RNF157: variants seen among roughly 807,000 people sequenced by gnomAD.
RNF157 encodes the protein ring finger protein 157.
In RNF157, 55 loss-of-function variants were observed where a neutral mutation model predicts 88.3. That is an observed-to-expected ratio of 0.62 (90% CI 0.50 to 0.78). The LOEUF is 0.78. Ranked by LOEUF, RNF157 falls within the 30% of genes least tolerant of loss-of-function variation. The probability of loss-of-function intolerance (pLI) is 0.00; values close to 1 mark genes in which losing one functional copy is unlikely to be tolerated. For synonymous variants in RNF157, 334 were observed against 341.2 expected, an observed-to-expected ratio of 0.98 and a Z score of 0.23; for missense variants, 788 against 860.8, an observed-to-expected ratio of 0.92 and a Z score of 1.06.
In RNF157 at chr17:76,166,476, C is replaced by G. The variant is rs761609315; in HGVS notation, c.613G>C (p.Val205Leu). The G allele has an allele frequency of 6.2e-7, 1 of 1,614,044 alleles. No individual in the cohort carries two copies. The highest frequency in any genetic ancestry group is 8.5e-7 in the Non-Finnish European group (1 of 1,179,956). The change falls in exon 6 of 19, where the codon GTG becomes CTG. Residue 205 changes from valine (V) to leucine (L), a missense_variant. Physicochemically the swap from Val to Leu is conservative, Grantham distance 32. Transcript: ENST00000269391. ...EVYPLVVHAV[V>L]DEGDEYFGHC... ...TCGCCCCTACCGTCTCCTTCATCCA[C>G]CACGGCATGTACCACTAGAGGGTAA...
intron 1 of RNF157, among the ~76,000 whole-genome samples, chr17:76,239,777 C>T (rs986305138): frequency 1.3e-5 from 2 of 152,146 alleles, no homozygotes; most frequent in Non-Finnish European, 2.9e-5. Context: ...GGCTTTGGGC[C>T]GGGCCGGCCG....
chr17:76,142,573 C>G lies in RNF157; in HGVS notation c.*2662G>C, dbSNP rs1233308696. 3 of 152,208 alleles carry G rather than the reference C, an allele frequency of 2.0e-5. No individual in the cohort carries two copies. Among genetic ancestry groups the G allele is most frequent in the Non-Finnish European group, 4.4e-5 (3 of 68,048 alleles). 9.4% of individuals were successfully genotyped at this position (152,208 alleles called of 1,614,324 possible). On this transcript the variant is annotated 3_prime_UTR_variant, in exon 19 of 19. Transcript: ENST00000269391. ...ACTGTAGTGTGACCACAAGTGTACT[C>G]CAGGGAGAGGGGTACACAGATGGCA...
intron 2 of RNF157, among the ~76,000 whole-genome samples, chr17:76,210,414 C>A (rs1252115455): frequency 6.6e-6 from 1 of 151,330 alleles, no homozygotes; most frequent in Non-Finnish European, 1.5e-5. Context: ...CACAGTGAAA[C>A]CCCGTCTCTA....
In RNF157 at chr17:76,165,490, A is replaced by G. The variant is rs372393474; in HGVS notation, c.672+12T>C. On this transcript the variant is annotated intron_variant, in intron 7 of 18. Coordinates refer to ENST00000269391, the MANE Select transcript of RNF157 (RefSeq NM_052916.3). ...TAAAGGCAATAAAGCGAGGCCCTCTAAAGTCACTCACCTTCTCAAAAGTAC... is the reference window on the plus strand; with the variant it reads ...TAAAGGCAATAAAGCGAGGCCCTCTGAAGTCACTCACCTTCTCAAAAGTAC... The G allele has an allele frequency of 3.7e-6, 6 of 1,613,884 alleles. No homozygotes were observed. In the East Asian group the frequency reaches 6.7e-5, roughly 18 times the overall value.
Position 76,159,317 on chromosome 17 carries a change from G to A in RNF157, c.1304+18C>T, listed in dbSNP as rs376962117. On this transcript the variant is annotated intron_variant, in intron 12 of 18. Coordinates refer to ENST00000269391, the MANE Select transcript of RNF157 (RefSeq NM_052916.3). ...TCAAGGATTCCGGGGGCAACAGTGT[G>A]GAGCACTGGCTACTCACTTGGAGAG... The A allele has an allele frequency of 6.3e-7, 1 of 1,594,674 alleles. No individual in the cohort carries two copies. Among genetic ancestry groups the A allele is most frequent in the Non-Finnish European group, 8.6e-7 (1 of 1,162,820 alleles).
chr17:76,147,031 C>T (rs908742093), intron 18 of RNF157: 3 of 985,254 alleles, frequency 3.0e-6, no homozygotes, highest in African/African-American at 3.5e-5. Context: ...ACAGTGAGAA[C>T]AGGAGAGTCT....
intron 16 of RNF157, 101 bp downstream of exon 16, chr17:76,155,151 C>G: frequency 2.0e-6 from 2 of 994,484 alleles, no homozygotes; most frequent in South Asian, 2.7e-5. Flanking sequence ...AAGGCTTCGT[C>G]AGCGCAGCCT....
At chr17:76,162,673 C>T (rs375479163) in intron 8 of RNF157, 50 bp from the exon 9 acceptor site, 2 of 1,371,034 alleles carry the variant, frequency 1.5e-6, no homozygotes, top group Non-Finnish European at 2.0e-6. Flanking sequence ...TACTGAGAGA[C>T]AAGAGTGGGA....
intron 2 of RNF157, among the ~76,000 whole-genome samples, chr17:76,204,398 C>CT (rs1164899902): frequency 1.3e-5 from 2 of 152,180 alleles, no homozygotes; most frequent in East Asian, 3.9e-4. Context: ...CTCGTAGAAC[C>CT]TATCACAGTC....
chr17:76,164,867 C>G lies in RNF157; in HGVS notation c.673-72G>C. Reference sequence around the variant, plus strand: ...AGCACCAGGTATTCTTCTGTTACATCTCCCAGTTACAGTCGCCCTCCCTGA... The same window carrying G: ...AGCACCAGGTATTCTTCTGTTACATGTCCCAGTTACAGTCGCCCTCCCTGA... On this transcript the variant is annotated intron_variant, in intron 7 of 18. Coordinates refer to ENST00000269391, the MANE Select transcript of RNF157 (RefSeq NM_052916.3). 3 of 1,120,610 alleles carry G rather than the reference C, an allele frequency of 2.7e-6. No homozygotes were observed. The South Asian group carries it at 4.0e-5, about 15-fold the overall frequency. 69.4% of individuals were successfully genotyped at this position (1,120,610 alleles called of 1,614,324 possible).
Position 76,240,392 on chromosome 17 carries a change from C to T in RNF157, c.-152G>A, listed in dbSNP as rs925115562. 3.7e-4 allele frequency: 63 copies of T among 170,914 alleles called. No individual in the cohort carries two copies. The highest frequency in any genetic ancestry group is 6.1e-4 in the Admixed American group (9 of 14,756). The allele number at this position is 170,914 out of a possible 1,614,324, so 10.6% of individuals were successfully genotyped here. Reference sequence around the variant, plus strand: ...CTGCGGCTCTGGCGGCGGGGAGCCCCCGGCGCGCCGCGCACCATCCTCCGC... The same window carrying T: ...CTGCGGCTCTGGCGGCGGGGAGCCCTCGGCGCGCCGCGCACCATCCTCCGC... On this transcript the variant is annotated 5_prime_UTR_variant, in exon 1 of 19. Coordinates refer to ENST00000269391, the MANE Select transcript of RNF157 (RefSeq NM_052916.3). The surrounding 1 kb of genome is among the most constrained non-coding windows in gnomAD (Gnocchi z 4.4).
intron 2 of RNF157, among the ~76,000 whole-genome samples, chr17:76,200,053 T>C (rs1457642223): frequency 2.6e-5 from 4 of 151,376 alleles, no homozygotes; most frequent in South Asian, 2.1e-4. Flanking sequence ...CTGGCTAACA[T>C]AGTGAAACCC....
chr17:76,185,200 T>C (rs1240065750), intron 2 of RNF157, among the ~76,000 whole-genome samples: 1 of 152,178 alleles, frequency 6.6e-6, no homozygotes, highest in Non-Finnish European at 1.5e-5. Flanking sequence ...ACTGCTTAGA[T>C]GACAAATGAA....
At chr17:76,199,954 C>G (rs1598424443) in intron 2 of RNF157, among the ~76,000 whole-genome samples, 1 of 152,136 alleles carries the variant, frequency 6.6e-6, no homozygotes, top group East Asian at 1.9e-4. Context: ...CTAGGCATTT[C>G]AGGTCGGGCG....
chr17:76,183,278 T>C (rs2069228572), intron 2 of RNF157, among the ~76,000 whole-genome samples: 1 of 151,952 alleles, frequency 6.6e-6, no homozygotes, highest in South Asian at 2.1e-4. Flanking sequence ...CCCAGGGCCC[T>C]GTCACTAGAA....
intron 1 of RNF157, among the ~76,000 whole-genome samples, chr17:76,224,620 G>A (rs2053052682): frequency 6.6e-6 from 1 of 151,812 alleles, no homozygotes; most frequent in Non-Finnish European, 1.5e-5. Flanking sequence ...TAGAGCAAGG[G>A]TGCCTAATCT....
intron 2 of RNF157, among the ~76,000 whole-genome samples, chr17:76,180,910 C>A (rs886486236): frequency 6.6e-6 from 1 of 152,180 alleles, no homozygotes; most frequent in African/African-American, 2.4e-5. Context: ...CATGCCTGCC[C>A]CTCTCACCAG....
rs758608990 is a variant in RNF157, at chr17:76,164,823, A to G, written c.673-28T>C. The G allele has an allele frequency of 3.2e-6, 5 of 1,578,344 alleles. No individual in the cohort carries two copies. The South Asian group carries it at 5.6e-5, about 18-fold the overall frequency. On this transcript the variant is annotated intron_variant, in intron 7 of 18. Transcript: ENST00000269391. The stretch of plus-strand genomic sequence containing the variant: ...GGAATGAAAATATGAAAGTTATGAC[A>G]AGGAAGGGAGGGTAATAAAGCACCA...
At chr17:76,228,498 A>G (rs1336785015) in intron 1 of RNF157, among the ~76,000 whole-genome samples, 1 of 152,058 alleles carries the variant, frequency 6.6e-6, no homozygotes, top group Non-Finnish European at 1.5e-5. Context: ...ATCTGTAACC[A>G]TCCTTCTTGT....
Sources: gnomAD v4.1 joint callset for allele counts (sites outside exome capture counted in the v4.1 genomes callset) on GRCh38, gnomAD v4.1.1 for gene constraint, Gnocchi (gnomAD v3.1) non-coding constraint, MANE v1.5 for transcripts, NCBI Gene and HGNC (gene_info 2026-07-23, HGNC 2026-07-21) for gene names.